Variants in UNC5C observed in about 807,000 individuals in gnomAD.
The protein encoded by UNC5C is netrin receptor UNC5C.
Under a neutral mutation model 99.8 loss-of-function variants are expected in UNC5C, and 47 were observed. The ratio of observed to expected loss-of-function variants is 0.47; its 90% confidence interval spans 0.37 to 0.60. The LOEUF is 0.60. Among genes scored for constraint, UNC5C ranks in the 20% least tolerant of loss-of-function variants. The probability of loss-of-function intolerance (pLI) is 0.00; values close to 1 mark genes in which losing one functional copy is unlikely to be tolerated. For missense variants in UNC5C, 1,062 were observed against 1,165.9 expected, an observed-to-expected ratio of 0.91 and a Z score of 1.30; for synonymous variants, 487 against 452.2, an observed-to-expected ratio of 1.08 and a Z score of -0.98.
chr4:95,254,886 A>G (rs1739897264), intron 4 of UNC5C, among the ~76,000 whole-genome samples: 1 of 152,180 alleles, frequency 6.6e-6, no homozygotes, highest in Non-Finnish European at 1.5e-5. Flanking sequence ...TCCAATGTCT[A>G]GCTTTATATA....
intron 1 of UNC5C, among the ~76,000 whole-genome samples, chr4:95,347,600 T>C (rs1743824982): frequency 6.6e-6 from 1 of 151,796 alleles, no homozygotes; most frequent in African/African-American, 2.4e-5. Context: ...CAGAAACAAA[T>C]TCATACACCT....
intron 1 of UNC5C, among the ~76,000 whole-genome samples, chr4:95,377,420 A>G (rs1358016752): frequency 6.6e-6 from 1 of 152,184 alleles, no homozygotes; most frequent in African/African-American, 2.4e-5. Context: ...AAATCCAGAT[A>G]GAACCCTGAA....
chr4:95,501,360 C>G (rs553292421), intron 1 of UNC5C, among the ~76,000 whole-genome samples: 16 of 152,068 alleles, frequency 1.1e-4, no homozygotes, highest in Non-Finnish European at 1.8e-4. Context: ...AATCATTCCA[C>G]AAATACAGTA....
At chr4:95,463,906 A>G (rs1560842664) in intron 1 of UNC5C, among the ~76,000 whole-genome samples, 1 of 152,194 alleles carries the variant, frequency 6.6e-6, no homozygotes, top group African/African-American at 2.4e-5. Flanking sequence ...TAGTATTTTT[A>G]AACTCTCCAA....
At chr4:95,286,586 G>T (rs1254959516) in intron 3 of UNC5C, among the ~76,000 whole-genome samples, 2 of 152,178 alleles carry the variant, frequency 1.3e-5, no homozygotes, top group East Asian at 3.8e-4. Flanking sequence ...GGCTGACATT[G>T]TCTAGCACAG....
At chr4:95,252,826 C>A (rs1002789522) in intron 4 of UNC5C, among the ~76,000 whole-genome samples, 1 of 152,206 alleles carries the variant, frequency 6.6e-6, no homozygotes, top group African/African-American at 2.4e-5. Flanking sequence ...ACCAAACAAC[C>A]ATAGATTGTC....
At chr4:95,329,892 A>G (rs1286090818) in intron 2 of UNC5C, among the ~76,000 whole-genome samples, 1 of 152,116 alleles carries the variant, frequency 6.6e-6, no homozygotes, top group African/African-American at 2.4e-5. Flanking sequence ...CCAACTGCCA[A>G]ATTTTCTACT....
chr4:95,441,078 T>C (rs377626970), intron 1 of UNC5C, among the ~76,000 whole-genome samples: 1 of 152,186 alleles, frequency 6.6e-6, no homozygotes, highest in Admixed American at 6.6e-5. Flanking sequence ...ACTATTGGAA[T>C]TAAGAATTTC....
chr4:95,215,126 T>C (rs763138010), intron 10 of UNC5C, among the ~76,000 whole-genome samples: 3 of 152,212 alleles, frequency 2.0e-5, no homozygotes, highest in Non-Finnish European at 2.9e-5. Flanking sequence ...AAAAGCTTTA[T>C]GGCTAGTGAA....
At chr4:95,447,745 C>T (rs953250398) in intron 1 of UNC5C, among the ~76,000 whole-genome samples, 11 of 152,174 alleles carry the variant, frequency 7.2e-5, no homozygotes, top group African/African-American at 2.7e-4. Flanking sequence ...AGGCGATCTG[C>T]CTGCCACGGC....
intron 1 of UNC5C, among the ~76,000 whole-genome samples, chr4:95,538,763 T>C (rs1722842494): frequency 2.0e-5 from 3 of 152,210 alleles, no homozygotes; most frequent in Non-Finnish European, 4.4e-5. Context: ...TGATGTATTA[T>C]GTAAATATTC....
intron 1 of UNC5C, among the ~76,000 whole-genome samples, chr4:95,356,203 AAAAAAAAAAC>A (rs964094937): frequency 1.1e-4 from 15 of 133,622 alleles, no homozygotes; most frequent in South Asian, 2.4e-4. Flanking sequence ...CAAAAAAAAA[AAAAAAAAAAC>A]AAAACAAAAA....
rs544908435 is a variant in UNC5C, at chr4:95,191,075, T to C, written c.2137-5879A>G. The stretch of plus-strand genomic sequence containing the variant: ...CACCTCTGGCCTCTACCCAGAATGC[T>C]CCCAGGCTCTTAGATGAGAGGATCT... On this transcript the variant is annotated intron_variant, in intron 12 of 15. Transcript: ENST00000453304. Among the ~76,000 whole-genome samples, 54 of 152,246 alleles carry C rather than the reference T, an allele frequency of 3.5e-4. No individual in the cohort carries two copies. The South Asian group carries it at 0.01, about 29-fold the overall frequency.
chr4:95,461,233 A>G (rs1021195304), intron 1 of UNC5C, among the ~76,000 whole-genome samples: 1 of 152,210 alleles, frequency 6.6e-6, no homozygotes, highest in African/African-American at 2.4e-5. Context: ...CATGCAATGT[A>G]TAATAATTCA....
intron 14 of UNC5C, among the ~76,000 whole-genome samples, chr4:95,179,073 T>C (rs879323074): frequency 6.6e-6 from 1 of 152,230 alleles, no homozygotes. Flanking sequence ...ATCAGTACCA[T>C]TGGTCTTTGA....
intron 3 of UNC5C, among the ~76,000 whole-genome samples, chr4:95,294,965 T>C (rs1330893568): frequency 1.3e-5 from 2 of 152,146 alleles, no homozygotes; most frequent in Admixed American, 1.3e-4. Flanking sequence ...CAGTAGGAAG[T>C]CATGGCACTA....
chr4:95,361,274 G>T (rs968774847), intron 1 of UNC5C, among the ~76,000 whole-genome samples: 1 of 152,120 alleles, frequency 6.6e-6, no homozygotes, highest in African/African-American at 2.4e-5. Flanking sequence ...AGGCTGATTT[G>T]TTGTTTTCAT....
At chr4:95,466,803 G>T (rs1747792827) in intron 1 of UNC5C, among the ~76,000 whole-genome samples, 1 of 152,138 alleles carries the variant, frequency 6.6e-6, no homozygotes, top group Non-Finnish European at 1.5e-5. Flanking sequence ...GAAAGATGGT[G>T]ATTTTAAGGT....
intron 1 of UNC5C, among the ~76,000 whole-genome samples, chr4:95,436,899 C>T (rs1451117728): frequency 2.7e-5 from 4 of 150,512 alleles, no homozygotes; most frequent in African/African-American, 9.8e-5. Flanking sequence ...TTTCATAATG[C>T]TTCAATGAAG....
Sources: allele counts gnomAD v4.1 joint callset (sites outside exome capture counted in the v4.1 genomes callset), GRCh38; gene constraint gnomAD v4.1.1; transcripts MANE v1.5; gene names NCBI Gene and HGNC (gene_info 2026-07-23, HGNC 2026-07-21).